Variants in RNF213 observed in about 807,000 individuals in gnomAD.
RNF213 encodes the protein ring finger protein 213, also known as E3 ubiquitin-protein ligase RNF213.
Under a neutral mutation model 514.4 loss-of-function variants are expected in RNF213, and 341 were observed. The observed-to-expected ratio is 0.66, with a 90% CI of 0.61 to 0.73. The LOEUF (loss-of-function observed/expected upper bound fraction) is 0.73. Among genes scored for constraint, RNF213 ranks in the 30% least tolerant of loss-of-function variants. The probability of loss-of-function intolerance (pLI) is 0.00; values close to 1 mark genes in which losing one functional copy is unlikely to be tolerated. For synonymous variants in RNF213, 2,655 were observed against 2,658.2 expected, an observed-to-expected ratio of 1.00 and a Z score of 0.04; for missense variants, 5,767 against 6,615.6, an observed-to-expected ratio of 0.87 and a Z score of 4.45.
chr17:80,388,762 T>C (rs993297883), intron 64 of RNF213, 73 bp downstream of exon 64: 28 of 1,160,084 alleles, frequency 2.4e-5, no homozygotes, highest in Non-Finnish European at 3.6e-5. Context: ...GTGTTAGGCC[T>C]ACTCCAGCCT....
intron 3 of RNF213, among the ~76,000 whole-genome samples, chr17:80,277,377 C>T (rs553905647): frequency 1.9e-4 from 29 of 152,078 alleles, no homozygotes; most frequent in Admixed American, 4.6e-4. Flanking sequence ...GCGGGTGGAT[C>T]ACTTGAGGTC....
Position 80,394,066 on chromosome 17 carries a change from A to G in RNF213, c.*568A>G, listed in dbSNP as rs928273506. 1 of 156,958 alleles carries G rather than the reference A, an allele frequency of 6.4e-6. No homozygotes were observed. The highest frequency in any genetic ancestry group is 6.1e-5 in the Admixed American group (1 of 16,336). 9.7% of individuals were successfully genotyped at this position (156,958 alleles called of 1,614,324 possible). On this transcript the variant is annotated 3_prime_UTR_variant, in exon 68 of 68. Coordinates refer to ENST00000582970, the MANE Select transcript of RNF213 (RefSeq NM_001256071.3). ...TTGTGAGTGCCTTAAGATCAAACTA[A>G]CAAGATCTGACCCTCTCCCCTCACA...
At chr17:80,382,488 A>G (rs537647693) in intron 57 of RNF213, 3 of 160,948 alleles carry the variant, frequency 1.9e-5, no homozygotes, top group Admixed American at 6.1e-5. Context: ...ATTCCTATTT[A>G]TTTTCCATTT....
intron 35 of RNF213, 48 bp downstream of exon 35, chr17:80,354,214 C>T (rs769307918): frequency 1.9e-6 from 3 of 1,598,560 alleles, no homozygotes; most frequent in Non-Finnish European, 2.6e-6. Flanking sequence ...GTGGGCTCTT[C>T]CTGAGGAGTG....
chr17:80,370,737 A>G (rs1401918532), intron 46 of RNF213, among the ~76,000 whole-genome samples: 1 of 152,210 alleles, frequency 6.6e-6, no homozygotes, highest in Non-Finnish European at 1.5e-5. Flanking sequence ...CTGGGTTATC[A>G]GCCGGCTGCT....
intron 11 of RNF213, among the ~76,000 whole-genome samples, chr17:80,300,305 C>T (rs1017463587): frequency 6.6e-6 from 1 of 152,046 alleles, no homozygotes; most frequent in African/African-American, 2.4e-5. Context: ...GGCTCTGTCA[C>T]CCAGGCTGGA....
chr17:80,323,834 T>TTG (rs1555656940), intron 17 of RNF213, among the ~76,000 whole-genome samples: 23 of 134,224 alleles, frequency 1.7e-4, no homozygotes, highest in South Asian at 9.6e-4. Context: ...TACTTTTTTT[T>TTG]GGGGGGGGGT....
At position 80,340,112 on chromosome 17, in the gene RNF213, G is replaced by A. The variant is rs960952477; in HGVS notation, c.5745G>A (p.Leu1915=). 2.5e-6 allele frequency: 4 copies of A among 1,612,534 alleles called. No individual in the cohort carries two copies. The highest frequency in any genetic ancestry group is 3.4e-6 in the Non-Finnish European group (4 of 1,179,772). ...ARQAEELFHN[L]CTQQHREDYQ... is the part of the protein sequence containing the mutation. ...AAGCGGAGGAGCTTTTCCACAATCT[G>A]TGCACGCAGCAGCACCGAGAAGACT... Residue 1915 remains leucine, a synonymous_variant, in exon 26 of 68, where the codon CTG becomes CTA. Transcript: ENST00000582970.
chr17:80,325,305 G>A (rs2046251261), intron 18 of RNF213, 107 bp downstream of exon 18: 5 of 1,160,024 alleles, frequency 4.3e-6, no homozygotes, highest in Non-Finnish European at 5.9e-6. Flanking sequence ...GAATTGGGAT[G>A]GGCTGATGTT....
intron 46 of RNF213, among the ~76,000 whole-genome samples, chr17:80,371,131 GA>G (rs1050244801): frequency 6.6e-6 from 1 of 151,874 alleles, no homozygotes; most frequent in Non-Finnish European, 1.5e-5. Flanking sequence ...GGTCAAAAAA[GA>G]AAAAAATCTA....
At chr17:80,267,906 G>A (rs374772595) in intron 2 of RNF213, among the ~76,000 whole-genome samples, 16 of 150,340 alleles carry the variant, frequency 1.1e-4, no homozygotes, top group African/African-American at 3.7e-4. Flanking sequence ...TGCAACCTCC[G>A]CCTCCCAGGT....
At chr17:80,382,735 C>CTTTTTTTTTTTTTTTTTTTGAGACGG in intron 57 of RNF213, 1 of 416,210 alleles carries the variant, frequency 2.4e-6, no homozygotes, top group South Asian at 2.1e-5. Flanking sequence ...TAATTTTTTT[C>CTTTTTTTTTTTTTTTTTTTGAGACGG]AAAATGGGTC....
At chr17:80,334,728 G>A (rs915918623) in intron 22 of RNF213, among the ~76,000 whole-genome samples, 8 of 151,632 alleles carry the variant, frequency 5.3e-5, no homozygotes, top group East Asian at 1.9e-4. Flanking sequence ...CCGGGTTCAC[G>A]CCATTCTCTT....
At chr17:80,278,164 A>T (rs895810384) in intron 3 of RNF213, among the ~76,000 whole-genome samples, 4 of 152,232 alleles carry the variant, frequency 2.6e-5, no homozygotes, top group African/African-American at 9.6e-5. Flanking sequence ...AGGCATCGGC[A>T]GGCCAGGAGG....
chr17:80,363,550 C>A, intron 40 of RNF213, 59 bp from the exon 41 acceptor site: 1 of 1,588,078 alleles, frequency 6.3e-7, no homozygotes, highest in Non-Finnish European at 8.6e-7. Flanking sequence ...CAGCCGGGGC[C>A]TCTGGTGGGC....
rs1198035373 is a variant in RNF213 at position 80,398,113 on chromosome 17, G to C, written c.*4615G>C. On this transcript the variant is annotated 3_prime_UTR_variant, in exon 68 of 68. Transcript: ENST00000582970. ...GAAGCGTGGCCTGATCACCCACGGC[G>C]TGCCTGTACTGGCACTCTGGTTTTT... The C allele has an allele frequency of 6.6e-6, 1 of 151,602 alleles. No individual in the cohort carries two copies. Among genetic ancestry groups the C allele is most frequent in the East Asian group, 1.9e-4 (1 of 5,132 alleles). The allele number at this position is 151,602 out of a possible 1,614,324, so 9.4% of individuals were successfully genotyped here.
At chr17:80,289,922 C>T in intron 6 of RNF213, 85 bp downstream of exon 6, 1 of 1,401,830 alleles carries the variant, frequency 7.1e-7, no homozygotes, top group South Asian at 1.2e-5. Flanking sequence ...CAGGGGATAT[C>T]CAGGCTGCCC....
intron 3 of RNF213, chr17:80,278,797 G>C (rs1223071621): frequency 6.5e-7 from 1 of 1,537,252 alleles, no homozygotes; most frequent in South Asian, 1.2e-5. Context: ...AGATGCTGCT[G>C]TAGACCTCAT....
In RNF213 at chr17:80,385,187, G is replaced by A. The variant is rs1395845316; in HGVS notation, c.14455+16G>A. The stretch of plus-strand genomic sequence containing the variant: ...CACAGCTCAGGTGTGGCTCTGCTCT[G>A]ACAGGACCAGGACTGTCCCGCATTT... On this transcript the variant is annotated intron_variant, in intron 60 of 67. Coordinates refer to ENST00000582970, the MANE Select transcript of RNF213 (RefSeq NM_001256071.3). The A allele has an allele frequency of 3.7e-6, 6 of 1,613,972 alleles. No homozygotes were observed. The African/African-American group carries it at 8.0e-5, about 22-fold the overall frequency.
Sources: allele counts gnomAD v4.1 joint callset (sites outside exome capture counted in the v4.1 genomes callset), GRCh38; gene constraint gnomAD v4.1.1; transcripts MANE v1.5; gene names NCBI Gene and HGNC (gene_info 2026-07-23, HGNC 2026-07-21).